The following RPS24 variants were observed in gnomAD, a reference collection of about 807,000 sequenced individuals.
RPS24 encodes the protein ribosomal protein S24.
For missense variants in RPS24, 100 were observed against 162.5 expected, an observed-to-expected ratio of 0.62 and a Z score of 2.09; for synonymous variants, 72 against 55.6, an observed-to-expected ratio of 1.30 and a Z score of -1.31.
At chr10:78,054,254 C>T (rs1316700074) in intron 4 of RPS24, among the ~76,000 whole-genome samples, 2 of 152,104 alleles carry the variant, frequency 1.3e-5, no homozygotes, top group Non-Finnish European at 2.9e-5. Context: ...GTGGAGGGCT[C>T]TGTGGGGCAG....
At chr10:78,044,733 C>G (rs1297369357), downstream of RPS24, among the ~76,000 whole-genome samples, 5 of 149,996 alleles carry the variant, frequency 3.3e-5, no homozygotes, top group African/African-American at 9.9e-5. Context: ...TGGTAAGAAA[C>G]GAAGCTGGAG....
At chr10:78,044,338 G>A, downstream of RPS24, among the ~76,000 whole-genome samples, 1 of 152,184 alleles carries the variant, frequency 6.6e-6, no homozygotes, top group Non-Finnish European at 1.5e-5. Flanking sequence ...CATTCTGCAA[G>A]GGGAAGAGAG....
chr10:78,035,548 C>T lies in RPS24; in HGVS notation c.107C>T (p.Pro36Leu). The T allele has an allele frequency of 6.2e-7, 1 of 1,614,088 alleles. No individual in the cohort carries two copies. The highest frequency in any genetic ancestry group is 8.5e-7 in the Non-Finnish European group (1 of 1,180,020). ...DVLHPGKATV[P>L]KTEIREKLAK... ...CTTCACCCCGGGAAGGCGACAGTGC[C>T]TAAGACAGAAATTCGGGAAAAACTA... The change falls in exon 3 of 6, where the codon CCT becomes CTT. Residue 36 changes from proline (P) to leucine (L), a missense_variant. Transcript: ENST00000372360.
chr10:78,038,612 CT>C, intron 4 of RPS24: 1 of 149,944 alleles, frequency 6.7e-6, no homozygotes, highest in Non-Finnish European at 1.5e-5. Flanking sequence ...GGTGGATATG[CT>C]TTTTCCCACA....
At chr10:78,046,420 G>T (rs1049404540) in intron 4 of RPS24, among the ~76,000 whole-genome samples, 7 of 143,116 alleles carry the variant, frequency 4.9e-5, no homozygotes, top group African/African-American at 1.7e-4. Flanking sequence ...CACCAGTGGC[G>T]CAATCTCAGC....
intron 3 of RPS24, among the ~76,000 whole-genome samples, chr10:78,036,972 G>C (rs1380670575): frequency 6.6e-6 from 1 of 152,206 alleles, no homozygotes; most frequent in African/African-American, 2.4e-5. Flanking sequence ...CCTGTTGAGA[G>C]AATGTTGAGT....
chr10:78,053,687 G>A (rs576328586), intron 4 of RPS24, among the ~76,000 whole-genome samples: 2 of 152,246 alleles, frequency 1.3e-5, no homozygotes, highest in African/African-American at 4.8e-5. Context: ...ATGGGGGAAC[G>A]TCTGCACCAC....
chr10:78,056,128 A>G (rs1293902048), exon 5 of RPS24: 1 of 152,332 alleles, frequency 6.6e-6, no homozygotes, highest in East Asian at 1.9e-4. Context: ...CCAGTGTGGC[A>G]GTGACTGTGT....
chr10:78,052,986 T>C (rs1848114206), intron 4 of RPS24, among the ~76,000 whole-genome samples: 2 of 152,008 alleles, frequency 1.3e-5, no homozygotes, highest in Non-Finnish European at 2.9e-5. Context: ...ATCCCACCTC[T>C]ACTAAAATAC....
intron 5 of RPS24, 48 bp from the exon 6 acceptor site, chr10:78,040,567 G>T: frequency 7.1e-7 from 1 of 1,405,082 alleles, no homozygotes; most frequent in Admixed American, 1.7e-5. Context: ...AGACTTTAAA[G>T]AATTTTAAAG....
intron 4 of RPS24, chr10:78,039,563 T>G (rs1847947184): frequency 6.5e-6 from 1 of 152,936 alleles, no homozygotes; most frequent in Non-Finnish European, 1.5e-5. Flanking sequence ...TTAGAATTGG[T>G]ATTTGTTCTT....
chr10:78,046,007 C>T (rs1848039546), intron 4 of RPS24, among the ~76,000 whole-genome samples: 2 of 151,880 alleles, frequency 1.3e-5, no homozygotes, highest in Admixed American at 1.3e-4. Context: ...GTCTCAAAAA[C>T]AACAAATGCC....
chr10:78,035,302 GC>G, intron 1 of RPS24, 49 bp from the exon 2 acceptor site: 4 of 1,556,692 alleles, frequency 2.6e-6, no homozygotes, highest in Non-Finnish European at 3.5e-6. Flanking sequence ...TCACAGCAAG[GC>G]CAAGAAAAGT....
At chr10:78,056,014 G>T (rs995059685) in exon 5 of RPS24, 1 of 152,294 alleles carries the variant, frequency 6.6e-6, no homozygotes, top group East Asian at 1.9e-4. Flanking sequence ...GCCTCCCAAC[G>T]TGCTGGGATT....
At position 78,051,395 on chromosome 10, in the gene RPS24, T is replaced by C. The variant is rs1277481954; in HGVS notation, c.391-3136T>C. 2.6e-5 allele frequency among the ~76,000 whole-genome samples: 4 copies of C among 152,270 alleles called. No homozygotes were observed. In the East Asian group the frequency reaches 7.7e-4, roughly 29 times the overall value. ...TTCACTCAGCCTAATGTTTCCGTGC[T>C]ATGTCCACACCGTAGCATGTATCAG... On this transcript the variant is annotated intron_variant, in intron 4 of 4. Coordinates refer to the RPS24 transcript ENST00000440692.
At chr10:78,054,462 G>A (rs955087124) in intron 4 of RPS24, 12 of 1,370,514 alleles carry the variant, frequency 8.8e-6, no homozygotes, top group Middle Eastern at 2.0e-4. Context: ...GGCCACAGGC[G>A]CAGAACAGGG....
At chr10:78,040,922 G>C (rs1444106438), downstream of RPS24, among the ~76,000 whole-genome samples, 1 of 152,168 alleles carries the variant, frequency 6.6e-6, no homozygotes, top group Non-Finnish European at 1.5e-5. Flanking sequence ...GGTGGACGCA[G>C]TGTAGTGGCT....
chr10:78,038,077 T>C lies in RPS24; in HGVS notation c.390+773T>C, dbSNP rs1847914965. The C allele has an allele frequency of 4.1e-6, 3 of 736,102 alleles. No homozygotes were observed. In the African/African-American group the frequency reaches 5.6e-5, roughly 14 times the overall value. The allele number at this position is 736,102 out of a possible 1,614,324, so 45.6% of individuals were successfully genotyped here. A position where few individuals can be genotyped will look rare whatever the true frequency, so the allele number is the denominator to read the frequency against. ...TGTTGGCCTTTGGACGACAGTTTTA[T>C]AGTATGGTCGATTATAATGCCAGTG... On this transcript the variant is annotated intron_variant, in intron 4 of 5. Transcript: ENST00000372360.
At chr10:78,053,036 C>T (rs1053857436) in intron 4 of RPS24, among the ~76,000 whole-genome samples, 3 of 151,848 alleles carry the variant, frequency 2.0e-5, no homozygotes, top group Non-Finnish European at 4.4e-5. Flanking sequence ...CCTTGTAATC[C>T]CAGCTGCTTG....
Sources: allele counts gnomAD v4.1 joint callset (sites outside exome capture counted in the v4.1 genomes callset), GRCh38; gene constraint gnomAD v4.1.1; transcripts MANE v1.5; gene names NCBI Gene and HGNC (gene_info 2026-07-23, HGNC 2026-07-21).